YAP1: variants seen among roughly 807,000 people sequenced by gnomAD.
YAP1 encodes the protein Yes1 associated transcriptional regulator.
Under a neutral mutation model 56.9 loss-of-function variants are expected in YAP1, and 5 were observed. That is an observed-to-expected ratio of 0.09 (90% confidence interval 0.05 to 0.18). YAP1 has a LOEUF of 0.18. Ranked by LOEUF, YAP1 falls within the 10% of genes least tolerant of loss-of-function variation. The pLI, the probability that YAP1 is intolerant of heterozygous loss-of-function variation, is 1.00. For synonymous variants in YAP1, 265 were observed against 248.1 expected, an observed-to-expected ratio of 1.07 and a Z score of -0.64; for missense variants, 539 against 651.8, an observed-to-expected ratio of 0.83 and a Z score of 1.88.
chr11:102,130,786 G>A (rs1480269406), intron 2 of YAP1, among the ~76,000 whole-genome samples: 3 of 115,618 alleles, frequency 2.6e-5, no homozygotes, highest in Non-Finnish European at 5.3e-5. Context: ...AAATACAGAT[G>A]TTTCTATTTT....
rs1247087684 is a variant in YAP1, at chr11:102,206,077, G to A, written c.984+3G>A. 1.9e-6 allele frequency: 3 copies of A among 1,611,378 alleles called. No individual in the cohort carries two copies. The highest frequency in any genetic ancestry group is 2.2e-5 in the East Asian group (1 of 44,854). The stretch of plus-strand genomic sequence containing the variant: ...AACAGCAAGAACTGCTTCGGCAGGT[G>A]AGGCCACAGGTTAGAAACCAGCCTT... On this transcript the variant is annotated splice_donor_region_variant and intron_variant, in intron 5 of 8. Transcript: ENST00000282441.
At position 102,121,565 on chromosome 11, in the gene YAP1, A is replaced by G. The variant is rs572726345; in HGVS notation, c.572+7171A>G. ...GGAATGTGAATCCTCTCTTTGGTCA[A>G]TGCATCCATACTGTCTATGCTACCT... On this transcript the variant is annotated intron_variant, in intron 2 of 8. Coordinates refer to ENST00000282441, the MANE Select transcript of YAP1 (RefSeq NM_001130145.3). 3.0e-4 allele frequency among the ~76,000 whole-genome samples: 45 copies of G among 152,278 alleles called. No individual in the cohort carries two copies. The South Asian group carries it at 6.2e-3, about 21-fold the overall frequency.
At chr11:102,178,766 A>G (rs954455994) in intron 3 of YAP1, among the ~76,000 whole-genome samples, 6 of 152,168 alleles carry the variant, frequency 3.9e-5, no homozygotes, top group Non-Finnish European at 7.4e-5. Context: ...GTGTTGCTAT[A>G]AAGGAATAAC....
At chr11:102,137,822 G>A (rs1944771564) in intron 2 of YAP1, among the ~76,000 whole-genome samples, 1 of 148,158 alleles carries the variant, frequency 6.7e-6, no homozygotes, top group African/African-American at 2.5e-5. Flanking sequence ...TTCTAAAAGT[G>A]TTTACAACAC....
intron 2 of YAP1, among the ~76,000 whole-genome samples, chr11:102,127,466 G>A (rs1944102774): frequency 6.6e-6 from 1 of 151,890 alleles, no homozygotes; most frequent in Admixed American, 6.6e-5. Context: ...TCCACTTGGT[G>A]TTGAGAGTGC....
chr11:102,118,428 A>T (rs959915228), intron 2 of YAP1, among the ~76,000 whole-genome samples: 2 of 149,992 alleles, frequency 1.3e-5, no homozygotes, highest in Admixed American at 6.6e-5. Flanking sequence ...GATGTGATTG[A>T]TCGCTATACA....
chr11:102,135,783 C>A (rs1944638535), intron 2 of YAP1, among the ~76,000 whole-genome samples: 1 of 151,992 alleles, frequency 6.6e-6, no homozygotes, highest in Non-Finnish European at 1.5e-5. Context: ...TATAATAGTT[C>A]TAATTTTTAA....
intron 6 of YAP1, among the ~76,000 whole-genome samples, chr11:102,222,581 GA>G (rs773888257): frequency 5.3e-5 from 8 of 152,170 alleles, no homozygotes; most frequent in Non-Finnish European, 8.8e-5. Flanking sequence ...TTTACAGGGA[GA>G]ATCCTGCTGA....
chr11:102,181,146 C>CA (rs1331235263), intron 3 of YAP1, among the ~76,000 whole-genome samples: 3 of 151,028 alleles, frequency 2.0e-5, no homozygotes, highest in African/African-American at 7.3e-5. Flanking sequence ...GACCCTGCCT[C>CA]AAAAAAATAA....
chr11:102,171,633 G>A (rs1246512292), intron 3 of YAP1, among the ~76,000 whole-genome samples: 2 of 152,172 alleles, frequency 1.3e-5, no homozygotes, highest in Non-Finnish European at 2.9e-5. Context: ...GGACTTAAGT[G>A]GCACTGAAGA....
In YAP1 at chr11:102,230,725, A is replaced by T. The variant is rs188379246; in HGVS notation, c.*785A>T. ...TGGTTGGTTGGTTGGTTTTGTCGGA[A>T]CCTAGGCAAATGACCATATTAGTGA... is the stretch of plus-strand genomic sequence containing the variant. On this transcript the variant is annotated 3_prime_UTR_variant, in exon 9 of 9. Transcript: ENST00000282441. The T allele has an allele frequency of 1.8e-3, 279 of 152,526 alleles. 4 individuals are homozygous for T. The highest frequency in any genetic ancestry group is 3.3e-3 in the East Asian group (17 of 5,186). 9.4% of individuals were successfully genotyped at this position (152,526 alleles called of 1,614,324 possible).
chr11:102,193,791 A>G (rs139992689), intron 4 of YAP1, among the ~76,000 whole-genome samples: 20 of 151,520 alleles, frequency 1.3e-4, no homozygotes, highest in Admixed American at 5.9e-4. Flanking sequence ...TATCAAACAC[A>G]CTTAAAAAGA....
chr11:102,218,650 C>T (rs753026570), intron 6 of YAP1, among the ~76,000 whole-genome samples: 42 of 152,016 alleles, frequency 2.8e-4, no homozygotes, highest in Non-Finnish European at 4.7e-4. Context: ...TTAGGTGAAT[C>T]CTTAGGTTAG....
chr11:102,153,447 T>C (rs1218696112), intron 2 of YAP1, among the ~76,000 whole-genome samples: 1 of 152,202 alleles, frequency 6.6e-6, no homozygotes, highest in African/African-American at 2.4e-5. Flanking sequence ...GAAATCATCT[T>C]TCTTTTATAA....
chr11:102,162,411 G>A (rs1361081348), intron 2 of YAP1, 45 bp from the exon 3 acceptor site: 1 of 1,554,236 alleles, frequency 6.4e-7, no homozygotes, highest in Non-Finnish European at 8.9e-7. Flanking sequence ...ATTGTTTTTG[G>A]AACCTGGTAT....
chr11:102,165,180 G>C (rs189963556), intron 3 of YAP1, among the ~76,000 whole-genome samples: 1 of 150,536 alleles, frequency 6.6e-6, no homozygotes, highest in Non-Finnish European at 1.5e-5. Context: ...GAAACATGGT[G>C]AAACCTTGTC....
intron 6 of YAP1, among the ~76,000 whole-genome samples, chr11:102,218,341 C>T (rs905108778): frequency 6.6e-6 from 1 of 152,194 alleles, no homozygotes; most frequent in Non-Finnish European, 1.5e-5. Flanking sequence ...TACCTTAAAT[C>T]ATTTCTAGAT....
In YAP1 at chr11:102,161,165, A is replaced by G. The variant is rs535542627; in HGVS notation, c.573-1291A>G. ...AAGTTCCGCCTCCCAGGTTCTCGCCATTCTCCTGCCTCAGCCTCCCTGAGG... is the reference window on the plus strand; with the variant it reads ...AAGTTCCGCCTCCCAGGTTCTCGCCGTTCTCCTGCCTCAGCCTCCCTGAGG... On this transcript the variant is annotated intron_variant, in intron 2 of 8. Coordinates refer to ENST00000282441, the MANE Select transcript of YAP1 (RefSeq NM_001130145.3). 3.6e-5 allele frequency among the ~76,000 whole-genome samples: 5 copies of G among 138,158 alleles called. No individual in the cohort carries two copies. In the South Asian group the frequency reaches 8.9e-4, roughly 25 times the overall value. The allele number at this position is 138,158 out of a possible 152,430, so 90.6% of individuals were successfully genotyped here.
At chr11:102,136,322 T>C (rs1273215460) in intron 2 of YAP1, among the ~76,000 whole-genome samples, 1 of 152,038 alleles carries the variant, frequency 6.6e-6, no homozygotes, top group Non-Finnish European at 1.5e-5. Flanking sequence ...TCCTTCCATG[T>C]GCCTAGGACA....
Sources: gnomAD v4.1 joint callset for allele counts (sites outside exome capture counted in the v4.1 genomes callset) on GRCh38, gnomAD v4.1.1 for gene constraint, MANE v1.5 for transcripts, NCBI Gene and HGNC (gene_info 2026-07-23, HGNC 2026-07-21) for gene names.